SORCS1: variants seen among roughly 807,000 people sequenced by gnomAD.
The protein encoded by SORCS1 is VPS10 domain-containing receptor SorCS1.
In SORCS1, 60 loss-of-function variants were observed where a neutral mutation model predicts 146.1. The ratio of observed to expected loss-of-function variants is 0.41; its 90% CI spans 0.33 to 0.51. The LOEUF (loss-of-function observed/expected upper bound fraction) is 0.51, where lower values mean the gene tolerates loss of function less well. SORCS1 is among the 20% of genes least tolerant of loss of function. The pLI is 0.21. For synonymous variants in SORCS1, 637 were observed against 584.0 expected (o/e 1.09, Z -1.31); for missense variants, 1,352 against 1,487.6 (o/e 0.91, Z 1.50).
chr10:107,013,142 T>C (rs1401141265), intron 1 of SORCS1, among the ~76,000 whole-genome samples: 1 of 152,136 alleles, frequency 6.6e-6, no homozygotes, highest in African/African-American at 2.4e-5. Context: ...AATAAACAAA[T>C]AGAAAGTCTG....
At chr10:107,088,064 A>G (rs905401155) in intron 1 of SORCS1, among the ~76,000 whole-genome samples, 14 of 151,850 alleles carry the variant, frequency 9.2e-5, no homozygotes, top group Non-Finnish European at 1.5e-4. Context: ...GACTACAGGC[A>G]CCCACCACCA....
chr10:106,823,789 T>C (rs754931609), intron 3 of SORCS1, among the ~76,000 whole-genome samples: 29 of 152,286 alleles, frequency 1.9e-4, no homozygotes, highest in Non-Finnish European at 3.5e-4. Context: ...GCATTTAAGG[T>C]TCACTTTCAA....
At chr10:106,585,090 G>A (rs1845144965) in intron 24 of SORCS1, among the ~76,000 whole-genome samples, 1 of 152,026 alleles carries the variant, frequency 6.6e-6, no homozygotes, top group South Asian at 2.1e-4. Context: ...CAGGCATGGT[G>A]GCAGGCACCT....
At chr10:106,961,937 A>G (rs1292199623) in intron 1 of SORCS1, among the ~76,000 whole-genome samples, 1 of 152,192 alleles carries the variant, frequency 6.6e-6, no homozygotes, top group Non-Finnish European at 1.5e-5. Context: ...GCTTTCTTCT[A>G]CCATCAGCTC....
chr10:106,650,361 C>A (rs984083923), intron 18 of SORCS1, among the ~76,000 whole-genome samples: 7 of 152,166 alleles, frequency 4.6e-5, no homozygotes, highest in African/African-American at 1.7e-4. Context: ...AACCAAGTCT[C>A]AGATAGTTCA....
chr10:106,942,958 C>T (rs765358387), intron 2 of SORCS1, among the ~76,000 whole-genome samples: 7 of 152,250 alleles, frequency 4.6e-5, no homozygotes, highest in Admixed American at 2.0e-4. Context: ...TACAAAATCA[C>T]GTCTCTTCCT....
chr10:107,070,618 T>C (rs1051986177), intron 1 of SORCS1, among the ~76,000 whole-genome samples: 11 of 152,280 alleles, frequency 7.2e-5, no homozygotes, highest in Middle Eastern at 3.4e-3. Flanking sequence ...GTTTATAAAA[T>C]CCATTTCTTT....
At chr10:106,602,558 CA>C (rs1235081551) in intron 23 of SORCS1, among the ~76,000 whole-genome samples, 3 of 151,174 alleles carry the variant, frequency 2.0e-5, no homozygotes. Context: ...CACAAACACA[CA>C]CACAAATTTA....
At chr10:106,746,490 G>A (rs1857754164) in intron 5 of SORCS1, among the ~76,000 whole-genome samples, 1 of 152,164 alleles carries the variant, frequency 6.6e-6, no homozygotes, top group African/African-American at 2.4e-5. Context: ...GAATGGACTG[G>A]TTATACTGTC....
chr10:107,032,360 C>A (rs559726039), intron 1 of SORCS1, among the ~76,000 whole-genome samples: 15 of 152,138 alleles, frequency 9.9e-5, no homozygotes, highest in African/African-American at 3.1e-4. Context: ...CCATCAAGAT[C>A]CCCGCAGTGT....
chr10:106,687,337 C>T (rs1852931608), intron 10 of SORCS1, among the ~76,000 whole-genome samples: 1 of 152,168 alleles, frequency 6.6e-6, no homozygotes, highest in South Asian at 2.1e-4. Flanking sequence ...TAAATAAATT[C>T]ATACTAATCT....
chr10:107,049,005 T>C (rs1029489894), intron 1 of SORCS1, among the ~76,000 whole-genome samples: 7 of 151,864 alleles, frequency 4.6e-5, no homozygotes, highest in Admixed American at 4.6e-4. Flanking sequence ...AGCAAAGACT[T>C]GGAACCAATC....
At chr10:106,764,233 A>C (rs1012596753) in intron 4 of SORCS1, among the ~76,000 whole-genome samples, 9 of 152,314 alleles carry the variant, frequency 5.9e-5, no homozygotes, top group Admixed American at 5.2e-4. Context: ...TATATTCTCC[A>C]CCTACTACTT....
chr10:107,056,586 T>C (rs1448849261), intron 1 of SORCS1, among the ~76,000 whole-genome samples: 1 of 152,234 alleles, frequency 6.6e-6, no homozygotes, highest in Admixed American at 6.5e-5. Flanking sequence ...ATCATATAAT[T>C]AGCACATAAC....
At chr10:107,034,541 T>G (rs11193179) in intron 1 of SORCS1, among the ~76,000 whole-genome samples, 54,112 of 150,356 alleles carry the variant, frequency 0.36, 9,765 homozygotes, top group Admixed American at 0.41. Context: ...TTAGCTGGGT[T>G]TAGTGGCAGG....
chr10:107,005,780 G>A (rs925585655), intron 1 of SORCS1, among the ~76,000 whole-genome samples: 2 of 152,158 alleles, frequency 1.3e-5, no homozygotes, highest in African/African-American at 4.8e-5. Context: ...ATAGGCATAT[G>A]ATTCTCACAT....
At chr10:106,952,942 C>G (rs527786863) in intron 2 of SORCS1, among the ~76,000 whole-genome samples, 24 of 151,934 alleles carry the variant, frequency 1.6e-4, no homozygotes, top group African/African-American at 5.8e-4. Context: ...GTGATCATGC[C>G]ACTGCACTCC....
At chr10:106,606,600 A>G (rs1341287871) in intron 23 of SORCS1, among the ~76,000 whole-genome samples, 1 of 152,202 alleles carries the variant, frequency 6.6e-6, no homozygotes, top group East Asian at 1.9e-4. Context: ...GATTAATCTA[A>G]TTCATTGTAA....
intron 10 of SORCS1, among the ~76,000 whole-genome samples, chr10:106,686,719 T>C (rs1030606512): frequency 6.6e-6 from 1 of 152,198 alleles, no homozygotes; most frequent in Non-Finnish European, 1.5e-5. Flanking sequence ...AGGCTGAATT[T>C]TAGACTGCTT....
Sources: allele counts gnomAD v4.1 joint callset (sites outside exome capture counted in the v4.1 genomes callset), GRCh38; gene constraint gnomAD v4.1.1; transcripts MANE v1.5; gene names NCBI Gene and HGNC (gene_info 2026-07-23, HGNC 2026-07-21).